Variants in FOXP1 observed in about 807,000 individuals in gnomAD.
FOXP1 encodes forkhead box P1.
Under a neutral mutation model 98.2 loss-of-function variants are expected in FOXP1, and 15 were observed. The ratio of observed to expected loss-of-function variants is 0.15; its 90% CI spans 0.10 to 0.24. FOXP1 has a LOEUF of 0.24. Ranked by LOEUF, FOXP1 falls within the 10% of genes least tolerant of loss-of-function variation. The probability of loss-of-function intolerance (pLI) is 1.00; values close to 1 mark genes in which losing one functional copy is unlikely to be tolerated. For synonymous variants in FOXP1, 371 were observed against 314.5 expected, an observed-to-expected ratio of 1.18 and a Z score of -1.90; for missense variants, 633 against 848.5, an observed-to-expected ratio of 0.75 and a Z score of 3.15.
chr3:71,097,972 ATGTAGAT>A (rs1181134527), intron 7 of FOXP1, among the ~76,000 whole-genome samples: 1 of 152,200 alleles, frequency 6.6e-6, no homozygotes, highest in Admixed American at 6.5e-5. Flanking sequence ...TAAATCCAGG[ATGTAGAT>A]TTTCCAATTA....
intron 6 of FOXP1, among the ~76,000 whole-genome samples, chr3:71,196,515 T>G (rs1455630899): frequency 6.6e-6 from 1 of 152,234 alleles, no homozygotes; most frequent in African/African-American, 2.4e-5. Flanking sequence ...GTACTCTAAA[T>G]ATTAATTATT....
intron 3 of FOXP1, among the ~76,000 whole-genome samples, chr3:71,489,694 A>G (rs1232849280): frequency 6.6e-6 from 1 of 152,226 alleles, no homozygotes; most frequent in Admixed American, 6.5e-5. Context: ...AAATAACCAC[A>G]GCACAAAGAG....
At chr3:71,515,802 C>T (rs1449006036) in intron 2 of FOXP1, among the ~76,000 whole-genome samples, 3 of 151,966 alleles carry the variant, frequency 2.0e-5, no homozygotes, top group Non-Finnish European at 4.4e-5. Flanking sequence ...GGTAGTGAGA[C>T]CAGGAAGAGA....
intron 14 of FOXP1, among the ~76,000 whole-genome samples, chr3:70,982,416 C>T (rs747966865): frequency 3.3e-5 from 5 of 152,078 alleles, no homozygotes; most frequent in African/African-American, 4.8e-5. Flanking sequence ...GATGGAAAGC[C>T]TATTTTTCTT....
At chr3:71,540,636 C>T (rs753713984) in intron 2 of FOXP1, among the ~76,000 whole-genome samples, 3 of 152,182 alleles carry the variant, frequency 2.0e-5, no homozygotes, top group Non-Finnish European at 4.4e-5. Context: ...ATTATCATCA[C>T]GATTCTAGAG....
intron 11 of FOXP1, among the ~76,000 whole-genome samples, chr3:71,029,688 G>A (rs1016724575): frequency 6.6e-6 from 1 of 152,090 alleles, no homozygotes; most frequent in Non-Finnish European, 1.5e-5. Flanking sequence ...ACCACGCTGG[G>A]CCCATTTTTA....
chr3:71,364,574 G>T (rs2078789004), intron 3 of FOXP1, among the ~76,000 whole-genome samples: 1 of 152,106 alleles, frequency 6.6e-6, no homozygotes, highest in African/African-American at 2.4e-5. Flanking sequence ...GAAAATACAT[G>T]TTTTATTTAT....
chr3:71,253,487 T>C (rs1354118805), intron 5 of FOXP1, among the ~76,000 whole-genome samples: 1 of 152,200 alleles, frequency 6.6e-6, no homozygotes, highest in Non-Finnish European at 1.5e-5. Context: ...TACACAATGA[T>C]ACTTAGCTAC....
intron 2 of FOXP1, among the ~76,000 whole-genome samples, chr3:71,544,665 T>C (rs1450476970): frequency 6.6e-6 from 1 of 152,170 alleles, no homozygotes; most frequent in Non-Finnish European, 1.5e-5. Context: ...ATAACACAGT[T>C]GGCTGGTCAT....
chr3:71,565,370 G>T (rs775374188), intron 2 of FOXP1, among the ~76,000 whole-genome samples: 2 of 152,110 alleles, frequency 1.3e-5, no homozygotes, highest in African/African-American at 4.8e-5. Flanking sequence ...TTTTATTTTG[G>T]TTGTTACCAA....
intron 10 of FOXP1, among the ~76,000 whole-genome samples, chr3:71,042,376 A>G (rs1248533416): frequency 6.6e-6 from 1 of 152,156 alleles, no homozygotes; most frequent in East Asian, 1.9e-4. Flanking sequence ...CAGTATGCCA[A>G]TCTCACTATT....
chr3:71,011,883 G>T (rs1034228807), intron 12 of FOXP1, among the ~76,000 whole-genome samples: 2 of 152,090 alleles, frequency 1.3e-5, no homozygotes, highest in African/African-American at 4.8e-5. Flanking sequence ...TCTTTTATAG[G>T]AATTGAGTCT....
At chr3:71,144,125 T>C (rs2060196600) in intron 6 of FOXP1, among the ~76,000 whole-genome samples, 1 of 152,164 alleles carries the variant, frequency 6.6e-6, no homozygotes, top group African/African-American at 2.4e-5. Flanking sequence ...GCAAAGACGA[T>C]TCCCCTGCTA....
rs550551126 is a variant in FOXP1, at chr3:71,365,767, G to A, written c.-167-6523C>T. The stretch of plus-strand genomic sequence containing the variant: ...TGGGAGGCCAAGCCCGGCAGATCAC[G>A]AGGTCAAGAGATGGAGACCAGCCTG... On this transcript the variant is annotated intron_variant, in intron 3 of 20. Coordinates refer to ENST00000649528, the MANE Select transcript of FOXP1 (RefSeq NM_001349338.3). Among the ~76,000 whole-genome samples, 148 of 152,298 alleles carry A rather than the reference G, an allele frequency of 9.7e-4. 2 individuals carry two copies. The highest frequency in any genetic ancestry group is 1.2e-3 in the South Asian group (6 of 4,826).
At position 71,315,015 on chromosome 3, in the gene FOXP1, C is replaced by T. The variant is rs1274852706; in HGVS notation, c.-72-15135G>A. On this transcript the variant is annotated intron_variant, in intron 4 of 20. Transcript: ENST00000649528. ...AACTGTGCCTCAGAAGAATTACAAG[C>T]GGGAATAAGGCTGGGATAAGGCTGG... Among the ~76,000 whole-genome samples, 6 of 131,882 alleles carry T rather than the reference C, an allele frequency of 4.5e-5. No homozygotes were observed. The East Asian group carries it at 6.9e-4, about 15-fold the overall frequency. The allele number at this position is 131,882 out of a possible 152,430, so 86.5% of individuals were successfully genotyped here.
chr3:71,387,447 AG>A (rs2080677721), intron 3 of FOXP1, among the ~76,000 whole-genome samples: 1 of 152,230 alleles, frequency 6.6e-6, no homozygotes, highest in Non-Finnish European at 1.5e-5. Flanking sequence ...TTTATAGCTA[AG>A]ACATCTAAAA....
chr3:71,186,023 G>GT (rs1346794756), intron 6 of FOXP1, among the ~76,000 whole-genome samples: 1 of 152,152 alleles, frequency 6.6e-6, no homozygotes, highest in African/African-American at 2.4e-5. Context: ...TTTAAAAATT[G>GT]TAAGAACTTT....
At chr3:71,418,394 T>C (rs977112713) in intron 3 of FOXP1, among the ~76,000 whole-genome samples, 6 of 151,994 alleles carry the variant, frequency 3.9e-5, no homozygotes, top group African/African-American at 1.2e-4. Flanking sequence ...ACAGGAAAAA[T>C]GGCAAAGCAG....
At chr3:71,342,642 G>C (rs191775355) in intron 4 of FOXP1, among the ~76,000 whole-genome samples, 1 of 151,184 alleles carries the variant, frequency 6.6e-6, no homozygotes, top group Non-Finnish European at 1.5e-5. Flanking sequence ...GCAGTGAGCC[G>C]AGATCACGCC....
Sources: gnomAD v4.1 joint callset for allele counts (sites outside exome capture counted in the v4.1 genomes callset) on GRCh38, gnomAD v4.1.1 for gene constraint, MANE v1.5 for transcripts, NCBI Gene and HGNC (gene_info 2026-07-23, HGNC 2026-07-21) for gene names.